The following AKAP6 variants were observed in gnomAD, a reference collection of about 807,000 sequenced individuals.
AKAP6 encodes A-kinase anchor protein 6.
AKAP6 carries 58 observed loss-of-function variants against 188.5 expected under a neutral mutation model. The ratio of observed to expected loss-of-function variants is 0.31; its 90% CI spans 0.25 to 0.38. AKAP6 has a LOEUF of 0.38. Among genes scored for constraint, AKAP6 ranks in the 10% least tolerant of loss-of-function variants. AKAP6 has a pLI of 1.00. For synonymous variants in AKAP6, 989 were observed against 998.6 expected (o/e 0.99, Z 0.18); for missense variants, 2,710 against 2,740.0 (o/e 0.99, Z 0.24).
intron 5 of AKAP6, among the ~76,000 whole-genome samples, chr14:32,598,989 T>C (rs1431191984): frequency 2.0e-5 from 3 of 152,184 alleles, no homozygotes; most frequent in Admixed American, 2.0e-4. Flanking sequence ...ATTAATGGAT[T>C]TATATATGTG....
At chr14:32,449,394 C>T (rs1815234) in intron 2 of AKAP6, among the ~76,000 whole-genome samples, 86,065 of 151,492 alleles carry the variant, frequency 0.57, 26,303 homozygotes, top group African/African-American at 0.8. Flanking sequence ...TGGAGGTGCA[C>T]GCCTCTAATC....
At chr14:32,552,357 T>G (rs548139235) in intron 4 of AKAP6, among the ~76,000 whole-genome samples, 1 of 152,272 alleles carries the variant, frequency 6.6e-6, no homozygotes, top group East Asian at 1.9e-4. Context: ...TGTCTGAGAT[T>G]CAAGTTGTAG....
intron 9 of AKAP6, among the ~76,000 whole-genome samples, chr14:32,721,629 T>G (rs1179412093): frequency 6.6e-6 from 1 of 152,224 alleles, no homozygotes; most frequent in Non-Finnish European, 1.5e-5. Flanking sequence ...TAGCCCATCT[T>G]AGCTTAGATT....
At chr14:32,732,393 CA>C (rs2031216659) in intron 9 of AKAP6, 60 bp from the exon 10 acceptor site, 12 of 1,539,748 alleles carry the variant, frequency 7.8e-6, no homozygotes, top group Non-Finnish European at 1.0e-5. Context: ...ATTCTGTGTT[CA>C]ATGATTTTCT....
At chr14:32,489,397 A>G (rs187171678) in intron 2 of AKAP6, among the ~76,000 whole-genome samples, 4 of 152,202 alleles carry the variant, frequency 2.6e-5, no homozygotes, top group African/African-American at 9.6e-5. Context: ...TTTTATAGAG[A>G]TGATGTCTCT....
intron 2 of AKAP6, among the ~76,000 whole-genome samples, chr14:32,487,909 G>A (rs1228142138): frequency 6.6e-6 from 1 of 152,178 alleles, no homozygotes; most frequent in Non-Finnish European, 1.5e-5. Flanking sequence ...TCCTTCCTCT[G>A]GAAGCTTCGT....
At chr14:32,792,291 T>A (rs1224359782) in intron 12 of AKAP6, among the ~76,000 whole-genome samples, 1 of 152,192 alleles carries the variant, frequency 6.6e-6, no homozygotes, top group Non-Finnish European at 1.5e-5. Flanking sequence ...TCCTCTCTTA[T>A]TTCCTTGAGC....
At chr14:32,607,534 T>G (rs1886173983) in intron 7 of AKAP6, among the ~76,000 whole-genome samples, 1 of 152,230 alleles carries the variant, frequency 6.6e-6, no homozygotes, top group Non-Finnish European at 1.5e-5. Flanking sequence ...CAGAGAACTC[T>G]GCACTCTGCC....
intron 1 of AKAP6, among the ~76,000 whole-genome samples, chr14:32,398,781 TC>T (rs1888964738): frequency 8.1e-4 from 1 of 1,232 alleles, no homozygotes; most frequent in African/African-American, 9.3e-4. Context: ...TCTTTTCTTT[TC>T]TCTCTCTCTC....
intron 8 of AKAP6, among the ~76,000 whole-genome samples, chr14:32,689,070 T>A (rs1566648324): frequency 6.6e-6 from 1 of 152,172 alleles, no homozygotes; most frequent in Non-Finnish European, 1.5e-5. Context: ...GTTTATCTTT[T>A]AAAAAAATCA....
At chr14:32,723,661 A>T (rs1185847034) in intron 9 of AKAP6, among the ~76,000 whole-genome samples, 1 of 151,982 alleles carries the variant, frequency 6.6e-6, no homozygotes, top group Non-Finnish European at 1.5e-5. Context: ...ACAGGGTAAT[A>T]GCTGGCAGAA....
intron 8 of AKAP6, among the ~76,000 whole-genome samples, chr14:32,681,084 C>CT (rs1270314579): frequency 6.6e-6 from 1 of 152,088 alleles, no homozygotes; most frequent in Non-Finnish European, 1.5e-5. Context: ...TATCAGTTGC[C>CT]TTTTTTTCAT....
chr14:32,668,240 A>G (rs546906321), intron 7 of AKAP6, among the ~76,000 whole-genome samples: 34 of 152,266 alleles, frequency 2.2e-4, no homozygotes, highest in Admixed American at 1.6e-3. Flanking sequence ...CGGAATTTTT[A>G]ATGATTTTTA....
intron 7 of AKAP6, among the ~76,000 whole-genome samples, chr14:32,656,005 A>G (rs1486540841): frequency 3.3e-5 from 5 of 152,160 alleles, no homozygotes; most frequent in Non-Finnish European, 7.3e-5. Context: ...TCTCGTCTAG[A>G]TATTTCAGTG....
At position 32,823,400 on chromosome 14, in the gene AKAP6, G is replaced by T; in HGVS notation, c.5587G>T (p.Gly1863Cys). ...ACGTGTCTCTGAAAATAATGGAAAT[G>T]GTAAGAATTCATCTCATACCCATGA... The part of the protein sequence containing the change: ...VKRVSENNGN[G>C]KNSSHTHELG... The change falls in exon 13 of 14, where the codon GGT (glycine) becomes TGT (cysteine). Residue 1863 changes from glycine to cysteine, a missense_variant. This residue lies in a region of AKAP6 where 2,473 missense variants were observed against 2,426.1 expected (regional missense o/e 1.02). Transcript: ENST00000280979. The T allele has an allele frequency of 6.2e-7, 1 of 1,613,714 alleles. No individual in the cohort carries two copies. Among genetic ancestry groups the T allele is most frequent in the Non-Finnish European group, 8.5e-7 (1 of 1,179,884 alleles).
chr14:32,760,339 G>T lies in AKAP6; in HGVS notation c.3373-13339G>T, dbSNP rs145865943. 5.4e-3 allele frequency among the ~76,000 whole-genome samples: 822 copies of T among 152,212 alleles called. 14 individuals carry two copies. The highest frequency in any genetic ancestry group is 0.019 in the African/African-American group (795 of 41,528). On this transcript the variant is annotated intron_variant, in intron 11 of 13. Transcript: ENST00000280979. ...GACATTTATCCTGTCTCAGAATAAGGTTATATAATATTTGATCCCAGAAGA... is the reference window on the plus strand; with the variant it reads ...GACATTTATCCTGTCTCAGAATAAGTTTATATAATATTTGATCCCAGAAGA...
At chr14:32,534,956 ACT>A (rs746620244) in intron 2 of AKAP6, among the ~76,000 whole-genome samples, 1 of 146,588 alleles carries the variant, frequency 6.8e-6, no homozygotes, top group Non-Finnish European at 1.5e-5. Flanking sequence ...CAAGAGTGAA[ACT>A]CTATCTAAAA....
rs1883200474 is a variant in AKAP6, at chr14:32,546,399, T to C, written c.1746T>C (p.Ser582=). Residue 582 remains serine, a synonymous_variant, in exon 4 of 14, where the codon AGT becomes AGC. Coordinates refer to ENST00000280979, the MANE Select transcript of AKAP6 (RefSeq NM_004274.5). ...TSSSPAFTQS[S]ESSVGSDNIM... ...GTTCACCAGCTTTTACTCAGAGCAG[T>C]GAATCCTCTGTTGGCTCAGACAACA... 4 of 1,614,196 alleles carry C rather than the reference T, an allele frequency of 2.5e-6. No individual in the cohort carries two copies. In the Admixed American group the frequency reaches 6.7e-5, roughly 27 times the overall value.
At chr14:32,631,329 G>A (rs1240589806) in intron 7 of AKAP6, among the ~76,000 whole-genome samples, 1 of 151,940 alleles carries the variant, frequency 6.6e-6, no homozygotes, top group Non-Finnish European at 1.5e-5. Flanking sequence ...ATGTTATAAT[G>A]ACAGGTTTTA....
Sources: allele counts gnomAD v4.1 joint callset (sites outside exome capture counted in the v4.1 genomes callset), GRCh38; gene constraint gnomAD v4.1.1; regional missense constraint gnomAD v4.1.1; transcripts MANE v1.5; gene names NCBI Gene and HGNC (gene_info 2026-07-23, HGNC 2026-07-21).